Variants in DNAH3 observed in about 807,000 individuals in gnomAD.
DNAH3 encodes axonemal beta dynein heavy chain 3.
A neutral mutation model predicts 432.5 loss-of-function variants in DNAH3; 332 were observed. The observed-to-expected ratio is 0.77, with a 90% CI of 0.70 to 0.84. DNAH3 has a LOEUF of 0.84. Ranked by LOEUF, DNAH3 falls within the 40% of genes least tolerant of loss-of-function variation. The pLI, the probability that DNAH3 is intolerant of heterozygous loss-of-function variation, is 0.00. For synonymous variants in DNAH3, 1,956 were observed against 1,900.2 expected (o/e 1.03, Z -0.76); for missense variants, 4,861 against 5,114.0 (o/e 0.95, Z 1.51).
At chr16:21,007,528 T>C (rs892955876) in intron 41 of DNAH3, among the ~76,000 whole-genome samples, 3 of 152,164 alleles carry the variant, frequency 2.0e-5, no homozygotes, top group African/African-American at 4.8e-5. Context: ...TAACGGTCTA[T>C]TCAGATATTT....
At position 20,936,826 on chromosome 16, in the gene DNAH3, G is replaced by A. The variant is rs565300409; in HGVS notation, c.11682C>T (p.Leu3894=). 161 of 1,613,052 alleles carry A rather than the reference G, an allele frequency of 1.0e-4. 1 individual carries two copies. In the East Asian group the frequency reaches 2.6e-3, roughly 26 times the overall value. ...CTTTGATGGCTCGGCCAAGATTGAT[G>A]AGGCTCCTCCGAACCACTTTGGTCA... The change falls in exon 60 of 62, where the codon CTC becomes CTT. Residue 3894 remains leucine, a synonymous_variant. Transcript: ENST00000261383.
chr16:20,941,486 G>A lies in DNAH3; in HGVS notation c.11569C>T (p.Leu3857=), dbSNP rs773623136. The change falls in exon 59 of 62, where the codon CTG becomes TTG. Residue 3857 remains leucine (L), a synonymous_variant. Coordinates refer to ENST00000261383, the Ensembl canonical transcript of DNAH3. ...GGGTACAACTTCATGACCTCTTCCAGGTCAAAGTCTCTGGGAAGCTTGGAG... is the reference window on the plus strand; with the variant it reads ...GGGTACAACTTCATGACCTCTTCCAAGTCAAAGTCTCTGGGAAGCTTGGAG... The A allele has an allele frequency of 2.4e-5, 39 of 1,614,040 alleles. No individual in the cohort carries two copies. The Middle Eastern group carries it at 1.6e-3, about 68-fold the overall frequency.
At chr16:21,038,041 A>C in intron 33 of DNAH3, 61 bp from the exon 34 acceptor site, 1 of 1,463,836 alleles carries the variant, frequency 6.8e-7, no homozygotes, top group Non-Finnish European at 9.5e-7. Context: ...CCCAGCAGAC[A>C]TTCCCAATAT....
chr16:21,096,152 G>C (rs979311421), intron 18 of DNAH3, among the ~76,000 whole-genome samples: 1 of 114,036 alleles, frequency 8.8e-6, no homozygotes, highest in African/African-American at 3.6e-5. Flanking sequence ...TTTTTTTTTT[G>C]AGACAAGGTT....
At chr16:21,046,884 T>C (rs1236292356) in intron 31 of DNAH3, among the ~76,000 whole-genome samples, 3 of 151,884 alleles carry the variant, frequency 2.0e-5, no homozygotes, top group African/African-American at 7.3e-5. Flanking sequence ...GTGACAAAAT[T>C]TCTCAGCATT....
chr16:20,942,687 C>G (rs1009429370), intron 58 of DNAH3, among the ~76,000 whole-genome samples: 6 of 152,060 alleles, frequency 3.9e-5, no homozygotes, highest in Non-Finnish European at 8.8e-5. Flanking sequence ...CTGGCTCCGT[C>G]CTTGATTTTA....
At chr16:20,937,548 T>G (rs892617733) in intron 59 of DNAH3, among the ~76,000 whole-genome samples, 3 of 149,448 alleles carry the variant, frequency 2.0e-5, no homozygotes, top group Non-Finnish European at 4.5e-5. Flanking sequence ...TTTTTTTTTT[T>G]GAGACAGAGT....
At chr16:20,963,838 A>G (rs756848927) in exon 53 of DNAH3, 5 of 1,614,040 alleles carry the variant, frequency 3.1e-6, no homozygotes, top group South Asian at 1.1e-5. Flanking sequence ...ATGGTCAATG[A>G]TGTACTTGAT....
chr16:21,007,204 T>G (rs571820190), intron 41 of DNAH3, among the ~76,000 whole-genome samples: 2 of 151,880 alleles, frequency 1.3e-5, no homozygotes, highest in South Asian at 4.2e-4. Flanking sequence ...ATTGGCCATT[T>G]GTATATCCTT....
chr16:20,984,592 C>T (rs566414358), intron 48 of DNAH3, among the ~76,000 whole-genome samples: 4 of 152,090 alleles, frequency 2.6e-5, no homozygotes, highest in South Asian at 2.1e-4. Flanking sequence ...ATTCAGGGTC[C>T]GGCACGGTGG....
At chr16:20,982,092 A>G (rs2085936991) in intron 49 of DNAH3, among the ~76,000 whole-genome samples, 1 of 151,268 alleles carries the variant, frequency 6.6e-6, no homozygotes, top group Non-Finnish European at 1.5e-5. Context: ...CCCTTATAGG[A>G]ACTAATTTTT....
intron 50 of DNAH3, among the ~76,000 whole-genome samples, chr16:20,978,158 A>C (rs2085682192): frequency 6.6e-6 from 1 of 152,216 alleles, no homozygotes; most frequent in South Asian, 2.1e-4. Context: ...TAAAGGCTGC[A>C]CTGTGTCAGC....
At chr16:21,019,796 C>A in exon 41 of DNAH3, 1 of 1,614,096 alleles carries the variant, frequency 6.2e-7, no homozygotes, top group Non-Finnish European at 8.5e-7. Flanking sequence ...GTCCTTGGAG[C>A]CAGAGAAAGA....
Position 20,987,967 on chromosome 16 carries a change from T to TC in DNAH3, c.6699dup (p.Lys2234GlufsTer4). 5 of 1,614,122 alleles carry TC rather than the reference T, an allele frequency of 3.1e-6. No homozygotes were observed. The highest frequency in any genetic ancestry group is 4.2e-6 in the Non-Finnish European group (5 of 1,180,012). On this transcript the variant is annotated frameshift_variant, in exon 45 of 62. Transcript: ENST00000261383. LOFTEE classifies it high-confidence loss of function. ...CTTAAAAACATCACATCAAACCCTT[T>TC]CCCGAAGTGCCAGTCAACAATCGAA...
At chr16:20,969,643 A>C in intron 52 of DNAH3, 149 bp downstream of exon 52, 1 of 885,128 alleles carries the variant, frequency 1.1e-6, no homozygotes. Context: ...CCTTGGGTGC[A>C]CACACACAGC....
At chr16:21,013,719 C>CAAAAAAAAAAAAAAAA in intron 41 of DNAH3, among the ~76,000 whole-genome samples, 1 of 47,406 alleles carries the variant, frequency 2.1e-5, no homozygotes, top group Non-Finnish European at 4.1e-5. Flanking sequence ...AACTCCATCT[C>CAAAAAAAAAAAAAAAA]AAAAAAAAAA....
At position 20,936,782 on chromosome 16, in the gene DNAH3, G is replaced by A. The variant is rs779889726; in HGVS notation, c.11726C>T (p.Ser3909Leu). 14 of 1,613,492 alleles carry A rather than the reference G, an allele frequency of 8.7e-6. No homozygotes were observed. The highest frequency in any genetic ancestry group is 5.3e-5 in the African/African-American group (4 of 74,886). ...GCTGTTAAAGACTTCCTCTAGCTCC[G>A]AGGACATCAGGACCTGTCCTTTGAT... Residue 3909 changes from serine (S) to leucine (L), a missense_variant, in exon 60 of 62, where the codon TCG (serine) becomes TTG (leucine). Physicochemically the swap from Ser to Leu is moderately radical, Grantham distance 145 (BLOSUM62 -2). Transcript: ENST00000261383.
intron 35 of DNAH3, among the ~76,000 whole-genome samples, chr16:21,035,214 C>T (rs1404009364): frequency 6.6e-6 from 1 of 152,174 alleles, no homozygotes; most frequent in East Asian, 1.9e-4. Context: ...GTAATCCCAG[C>T]TACTCGAGAG....
chr16:20,959,677 T>C (rs1045764995), intron 53 of DNAH3, among the ~76,000 whole-genome samples: 4 of 148,850 alleles, frequency 2.7e-5, no homozygotes, highest in African/African-American at 5.0e-5. Flanking sequence ...AAGGTGGGGT[T>C]CACATTAAAT....
Sources: allele counts gnomAD v4.1 joint callset (sites outside exome capture counted in the v4.1 genomes callset), GRCh38; gene constraint gnomAD v4.1.1; transcripts MANE v1.5; gene names NCBI Gene and HGNC (gene_info 2026-07-23, HGNC 2026-07-21).